Variants in SMPD3 observed in about 807,000 individuals in gnomAD.
SMPD3 encodes sphingomyelin phosphodiesterase 3, also known as nSMase-2.
A neutral mutation model predicts 55.7 loss-of-function variants in SMPD3; 21 were observed. The ratio of observed to expected loss-of-function variants is 0.38; its 90% CI spans 0.27 to 0.54. The LOEUF (loss-of-function observed/expected upper bound fraction) is 0.54. Among genes scored for constraint, SMPD3 ranks in the 20% least tolerant of loss-of-function variants. The pLI is 0.80. For missense variants in SMPD3, 842 were observed against 899.6 expected (o/e 0.94, Z 0.82); for synonymous variants, 457 against 404.3 (o/e 1.13, Z -1.56).
At chr16:68,438,736 C>T (rs1451412871) in intron 1 of SMPD3, among the ~76,000 whole-genome samples, 2 of 152,148 alleles carry the variant, frequency 1.3e-5, no homozygotes, top group Non-Finnish European at 1.5e-5. Context: ...CCATATTGTA[C>T]CCATGCTTGA....
rs377118979 is a variant in SMPD3, at chr16:68,372,048, T to G, written c.134A>C (p.Lys45Thr). 81 of 1,609,022 alleles carry G rather than the reference T, an allele frequency of 5.0e-5. No homozygotes were observed. Among genetic ancestry groups the G allele is most frequent in the Non-Finnish European group, 6.4e-5 (75 of 1,178,384 alleles). ...GCACGGGTCGTCTGCCCGCTGGCGC[T>G]TCTCGTAGGTGGTGGGTATGAAGGA... ...AASFIPTTYE[K>T]RQRADDPCCL... The change falls in exon 3 of 9, where the codon AAG becomes ACG. Residue 45 changes from lysine (K) to threonine (T), a missense_variant. Coordinates refer to ENST00000219334, the MANE Select transcript of SMPD3 (RefSeq NM_018667.4).
intron 1 of SMPD3, among the ~76,000 whole-genome samples, chr16:68,424,252 T>C (rs1466395935): frequency 6.6e-6 from 1 of 151,902 alleles, no homozygotes; most frequent in Admixed American, 6.5e-5. Flanking sequence ...GTAATTATCC[T>C]AAAGATACCA....
At chr16:68,389,468 A>G (rs1171652374) in intron 1 of SMPD3, among the ~76,000 whole-genome samples, 1 of 152,200 alleles carries the variant, frequency 6.6e-6, no homozygotes, top group Admixed American at 6.5e-5. Flanking sequence ...AGATGGATGG[A>G]CCTGTTCCCT....
At position 68,371,222 on chromosome 16, in the gene SMPD3, G is replaced by A. The variant is rs987446806; in HGVS notation, c.960C>T (p.Asn320=). 1.2e-6 allele frequency: 2 copies of A among 1,608,018 alleles called. No individual in the cohort carries two copies. The highest frequency in any genetic ancestry group is 2.2e-5 in the South Asian group (2 of 90,604). Residue 320 remains asparagine, a synonymous_variant, in exon 3 of 9, where the codon AAC becomes AAT. Coordinates refer to ENST00000219334, the MANE Select transcript of SMPD3 (RefSeq NM_018667.4). ...CCGAGGCCTTGTACAGGAGCTTGCT[G>A]TTGGCACCTGGCTCCCCGCTGGCAC... is the stretch of plus-strand genomic sequence containing the variant. The part of the protein sequence containing the change: ...DTSASGEPGA[N]SKLLYKASVV...
chr16:68,361,504 C>T, intron 8 of SMPD3, 99 bp downstream of exon 8: 3 of 1,523,848 alleles, frequency 2.0e-6, no homozygotes, highest in Admixed American at 1.8e-5. Context: ...TAAGAGTGGC[C>T]TGGGGCGTGG....
intron 2 of SMPD3, among the ~76,000 whole-genome samples, chr16:68,381,202 C>T (rs2089943644): frequency 6.6e-6 from 1 of 152,186 alleles, no homozygotes; most frequent in Non-Finnish European, 1.5e-5. Flanking sequence ...CCGTCCTGGA[C>T]CCTTTTGGAG....
chr16:68,445,924 T>C (rs2090606193), intron 1 of SMPD3, among the ~76,000 whole-genome samples: 1 of 152,192 alleles, frequency 6.6e-6, no homozygotes, highest in South Asian at 2.1e-4. Flanking sequence ...TTGTAGTGTA[T>C]GTCTGTGTTA....
chr16:68,397,285 G>C (rs918989274), intron 1 of SMPD3, among the ~76,000 whole-genome samples: 2 of 152,196 alleles, frequency 1.3e-5, no homozygotes, highest in African/African-American at 4.8e-5. Flanking sequence ...GTCCCAGAGG[G>C]ATTCAAGGTG....
rs750468999 is a variant in SMPD3 at position 68,364,892 on chromosome 16, G to A, written c.1414C>T (p.Arg472Trp). 1.8e-5 allele frequency: 29 copies of A among 1,613,664 alleles called. No homozygotes were observed. The East Asian group carries it at 2.0e-4, about 11-fold the overall frequency. Residue 472 changes from arginine to tryptophan, a missense_variant, in exon 5 of 9, where the codon CGG becomes TGG. Arg to Trp is a moderately radical substitution (Grantham distance 101, BLOSUM62 -3). Transcript: ENST00000219334. ...TGAAGCAGGTCCAGCTGCCCACACC[G>A]GATGGCGCTGTCCTCTGCAGGGCAG... ...LHAPQEDSAI[R>W]CGQLDLLQDW...
At chr16:68,380,233 C>T (rs1483614695) in intron 2 of SMPD3, among the ~76,000 whole-genome samples, 1 of 152,276 alleles carries the variant, frequency 6.6e-6, no homozygotes, top group Non-Finnish European at 1.5e-5. Flanking sequence ...GACAACCAGA[C>T]TTATCTGCCA....
At chr16:68,418,203 C>T (rs902525815) in intron 1 of SMPD3, among the ~76,000 whole-genome samples, 2 of 152,106 alleles carry the variant, frequency 1.3e-5, no homozygotes, top group African/African-American at 4.8e-5. Context: ...CAGGCACCTG[C>T]AGCTCACAGC....
At chr16:68,375,155 A>G (rs542747461) in intron 2 of SMPD3, among the ~76,000 whole-genome samples, 109 of 151,970 alleles carry the variant, frequency 7.2e-4, no homozygotes, top group African/African-American at 2.5e-3. Flanking sequence ...CACAGCCCCA[A>G]GCCCACCACC....
chr16:68,392,600 G>A (rs917325523), intron 1 of SMPD3, among the ~76,000 whole-genome samples: 1 of 152,078 alleles, frequency 6.6e-6, no homozygotes, highest in Non-Finnish European at 1.5e-5. Context: ...AGTGGCTCAC[G>A]CCTGTAATCC....
At position 68,361,704 on chromosome 16, in the gene SMPD3, T is replaced by C; in HGVS notation, c.1765A>G (p.Ser589Gly). 6.2e-7 allele frequency: 1 copy of C among 1,613,018 alleles called. No homozygotes were observed. Residue 589 changes from serine (S) to glycine (G), a missense_variant, in exon 8 of 9, where the codon AGC (serine) becomes GGC (glycine). By Grantham distance (56) the Ser-to-Gly change is moderately conservative. Coordinates refer to ENST00000219334, the MANE Select transcript of SMPD3 (RefSeq NM_018667.4). ...REYLAFPTSK[S>G]SGQKGRKELL... Reference sequence around the variant, plus strand: ...TCCTTCCGCCCCTTCTGGCCCGAGCTCTTGCTGGTGGGAAACGCCAGGTAC... The same window carrying C: ...TCCTTCCGCCCCTTCTGGCCCGAGCCCTTGCTGGTGGGAAACGCCAGGTAC...
At chr16:68,376,580 C>T (rs1330111400) in intron 2 of SMPD3, among the ~76,000 whole-genome samples, 2 of 152,226 alleles carry the variant, frequency 1.3e-5, no homozygotes, top group Non-Finnish European at 2.9e-5. Context: ...GGATTTGTCC[C>T]CTTTGCGAAT....
intron 1 of SMPD3, among the ~76,000 whole-genome samples, chr16:68,413,260 C>G (rs947956976): frequency 2.0e-5 from 3 of 152,214 alleles, no homozygotes; most frequent in Admixed American, 2.0e-4. Flanking sequence ...GCTTTGGCCA[C>G]TCTGAGAGGC....
At chr16:68,361,847 C>A in intron 7 of SMPD3, 88 bp from the exon 8 acceptor site, 4 of 1,392,394 alleles carry the variant, frequency 2.9e-6, no homozygotes, top group African/African-American at 1.4e-5. Flanking sequence ...GGTCTCCTCC[C>A]AGTGTGGGAG....
At chr16:68,414,396 G>A (rs1408384623) in intron 1 of SMPD3, among the ~76,000 whole-genome samples, 13 of 152,214 alleles carry the variant, frequency 8.5e-5, no homozygotes, top group African/African-American at 2.7e-4. Context: ...GGCTTGACCC[G>A]GGCTCAATTA....
chr16:68,444,707 CAT>C (rs1297809734), intron 1 of SMPD3, among the ~76,000 whole-genome samples: 1 of 152,134 alleles, frequency 6.6e-6, no homozygotes, highest in Non-Finnish European at 1.5e-5. Flanking sequence ...TTAAAAGAAA[CAT>C]AAAATAACGT....
Sources: allele counts gnomAD v4.1 joint callset (sites outside exome capture counted in the v4.1 genomes callset), GRCh38; gene constraint gnomAD v4.1.1; transcripts MANE v1.5; gene names NCBI Gene and HGNC (gene_info 2026-07-23, HGNC 2026-07-21).